Variants in WDFY4 observed in about 807,000 individuals in gnomAD.
The protein encoded by WDFY4 is WD repeat- and FYVE domain-containing protein 4.
WDFY4 carries 169 observed loss-of-function variants against 351.9 expected under a neutral mutation model. The ratio of observed to expected loss-of-function variants is 0.48; its 90% CI spans 0.42 to 0.55. The LOEUF (loss-of-function observed/expected upper bound fraction) is 0.55, where lower values mean the gene tolerates loss of function less well. WDFY4 is among the 20% of genes least tolerant of loss of function. WDFY4 has a pLI of 0.00. For missense variants in WDFY4, 3,803 were observed against 3,935.6 expected (o/e 0.97, Z 0.90); for synonymous variants, 1,622 against 1,574.6 (o/e 1.03, Z -0.71).
At chr10:48,823,028 A>G (rs553345906) in intron 35 of WDFY4, among the ~76,000 whole-genome samples, 82 of 152,294 alleles carry the variant, frequency 5.4e-4, no homozygotes, top group African/African-American at 1.6e-3. Context: ...CTTTCTTTCC[A>G]GATAAACAGG....
chr10:48,716,386 G>A (rs2063910838), intron 2 of WDFY4, among the ~76,000 whole-genome samples: 1 of 152,164 alleles, frequency 6.6e-6, no homozygotes, highest in Non-Finnish European at 1.5e-5. Flanking sequence ...CATGTGAAGG[G>A]ACAGCCATGA....
intron 12 of WDFY4, among the ~76,000 whole-genome samples, chr10:48,760,108 G>A (rs1261603493): frequency 1.3e-5 from 2 of 152,306 alleles, no homozygotes; most frequent in Middle Eastern, 3.4e-3. Flanking sequence ...TATGGGTCAG[G>A]CACTGTGCCT....
chr10:48,806,598 G>A (rs534233969), intron 27 of WDFY4, among the ~76,000 whole-genome samples: 1 of 152,314 alleles, frequency 6.6e-6, no homozygotes, highest in East Asian at 1.9e-4. Context: ...AAGCCCCTTG[G>A]GGTTACCCTA....
At chr10:48,745,739 ACT>A (rs1463379990) in intron 12 of WDFY4, 3 of 543,750 alleles carry the variant, frequency 5.5e-6, no homozygotes, top group South Asian at 1.6e-5. Context: ...ACGTAGGCAA[ACT>A]CTCTTGTGGG....
At chr10:48,712,923 C>T (rs553602637) in intron 2 of WDFY4, among the ~76,000 whole-genome samples, 35 of 152,320 alleles carry the variant, frequency 2.3e-4, no homozygotes, top group African/African-American at 7.9e-4. Flanking sequence ...TGCCTGGGCT[C>T]TGAGACTCCT....
chr10:48,957,738 T>A (rs977425544), intron 52 of WDFY4, among the ~76,000 whole-genome samples: 5 of 152,140 alleles, frequency 3.3e-5, no homozygotes, highest in African/African-American at 1.2e-4. Flanking sequence ...CTGGGTGGGA[T>A]CCCAGGGCAG....
chr10:48,821,018 G>C, intron 33 of WDFY4, 44 bp from the exon 34 acceptor site: 1 of 1,423,712 alleles, frequency 7.0e-7, no homozygotes, highest in Non-Finnish European at 9.7e-7. Context: ...GGGTGCACAC[G>C]ATGGCCCTGT....
Position 48,978,379 on chromosome 10 carries a change from C to T in WDFY4, c.9362C>T (p.Pro3121Leu), listed in dbSNP as rs1291484764. Residue 3121 changes from proline (P) to leucine (L), a missense_variant, in exon 60 of 62, where the codon CCT becomes CTT. Around this residue, in one of 3 missense-constraint regions of WDFY4, gnomAD observed 3,054 missense variants for 3,148.6 expected, o/e 0.97. Transcript: ENST00000325239. ...RPAGEEPPAQ[P>L]PSPRGHKWEK... ...GCAGGAGAGGAGCCCCCGGCTCAGC[C>T]TCCAAGCCCAAGAGGTACCTGACCT... 3.2e-6 allele frequency: 5 copies of T among 1,551,174 alleles called. No homozygotes were observed. Among genetic ancestry groups the T allele is most frequent in the Non-Finnish European group, 4.4e-6 (5 of 1,146,778 alleles).
intron 39 of WDFY4, among the ~76,000 whole-genome samples, chr10:48,848,986 G>T (rs982000487): frequency 7.2e-5 from 11 of 152,140 alleles, no homozygotes; most frequent in Non-Finnish European, 8.8e-5. Flanking sequence ...ATGAGAACTT[G>T]GGATCTCTGG....
At chr10:48,714,584 C>T (rs890166234) in intron 2 of WDFY4, among the ~76,000 whole-genome samples, 2 of 152,178 alleles carry the variant, frequency 1.3e-5, no homozygotes, top group Non-Finnish European at 2.9e-5. Context: ...GTTCTTCTAG[C>T]AATCATGGGA....
intron 7 of WDFY4, 63 bp from the exon 8 acceptor site, chr10:48,729,369 C>T: frequency 6.5e-7 from 1 of 1,533,074 alleles, no homozygotes; most frequent in Non-Finnish European, 8.8e-7. Flanking sequence ...TTGAGAGCAC[C>T]ATGCACGCAT....
intron 4 of WDFY4, 123 bp downstream of exon 4, chr10:48,721,490 T>C: frequency 2.4e-6 from 2 of 843,084 alleles, no homozygotes; most frequent in Non-Finnish European, 3.8e-6. Context: ...GTTTATTATT[T>C]CTCCTCCCTC....
intron 47 of WDFY4, among the ~76,000 whole-genome samples, chr10:48,921,328 T>G (rs1020884891): frequency 6.6e-6 from 1 of 152,136 alleles, no homozygotes; most frequent in African/African-American, 2.4e-5. Context: ...GGCCAAATGG[T>G]CAATTGATTT....
intron 9 of WDFY4, among the ~76,000 whole-genome samples, chr10:48,732,058 C>CTGTG (rs1353967831): frequency 6.6e-6 from 1 of 152,166 alleles, no homozygotes; most frequent in Admixed American, 6.5e-5. Flanking sequence ...GGCTGCATAC[C>CTGTG]TGTGGCTCCT....
intron 30 of WDFY4, 76 bp from the exon 31 acceptor site, chr10:48,813,881 T>C: frequency 7.1e-7 from 1 of 1,404,088 alleles, no homozygotes; most frequent in Non-Finnish European, 9.3e-7. Flanking sequence ...CCTGGAAACA[T>C]GATGAACTGG....
intron 13 of WDFY4, among the ~76,000 whole-genome samples, chr10:48,773,095 A>G (rs1010525678): frequency 3.9e-5 from 6 of 152,338 alleles, no homozygotes; most frequent in African/African-American, 1.2e-4. Context: ...CCACAATGAG[A>G]TACCATCTCA....
In WDFY4 at chr10:48,776,834, C is replaced by T. The variant is rs76547526; in HGVS notation, c.2948C>T (p.Pro983Leu). The change falls in exon 16 of 62, where the codon CCG becomes CTG. Residue 983 changes from proline to leucine, a missense_variant. Pro to Leu is a moderately conservative substitution (Grantham distance 98). Transcript: ENST00000325239. The part of the protein sequence containing the change: ...AGLHPGVTQA[P>L]QPLGESQDST... Reference sequence around the variant, plus strand: ...CTGCACCCTGGAGTCACACAGGCCCCGCAGCCCTTGGGGGAATCCCAGGAT... The same window carrying T: ...CTGCACCCTGGAGTCACACAGGCCCTGCAGCCCTTGGGGGAATCCCAGGAT... 4,368 of 1,551,680 alleles carry T rather than the reference C, an allele frequency of 2.8e-3. 66 individuals carry two copies. In the African/African-American group the frequency reaches 0.037, roughly 13 times the overall value.
intron 1 of WDFY4, among the ~76,000 whole-genome samples, chr10:48,693,067 G>T (rs1051198203): frequency 2.6e-5 from 4 of 152,186 alleles, no homozygotes; most frequent in African/African-American, 9.7e-5. Flanking sequence ...GAAGGCAGAG[G>T]GGTTATGGTG....
intron 53 of WDFY4, among the ~76,000 whole-genome samples, chr10:48,962,511 A>G (rs1358918496): frequency 6.6e-6 from 1 of 152,200 alleles, no homozygotes; most frequent in South Asian, 2.1e-4. Flanking sequence ...TGTGATATCG[A>G]GACACTGGGC....
Sources: gnomAD v4.1 joint callset for allele counts (sites outside exome capture counted in the v4.1 genomes callset) on GRCh38, gnomAD v4.1.1 for gene constraint, gnomAD v4.1.1 regional missense constraint, MANE v1.5 for transcripts, NCBI Gene and HGNC (gene_info 2026-07-23, HGNC 2026-07-21) for gene names.